The following PFDN1 variants were observed in gnomAD, a reference collection of about 807,000 sequenced individuals.
PFDN1 encodes the protein prefoldin subunit 1.
In PFDN1, 6 loss-of-function variants were observed where a neutral mutation model predicts 17.3. The ratio of observed to expected loss-of-function variants is 0.35; its 90% CI spans 0.19 to 0.69. The LOEUF (loss-of-function observed/expected upper bound fraction) is 0.69. Among genes scored for constraint, PFDN1 ranks in the 30% least tolerant of loss-of-function variants. The probability of loss-of-function intolerance (pLI) is 0.65; values close to 1 mark genes in which losing one functional copy is unlikely to be tolerated. For missense variants in PFDN1, 113 were observed against 146.2 expected (o/e 0.77, Z 1.17); for synonymous variants, 58 against 50.1 (o/e 1.16, Z -0.67).
intron 3 of PFDN1, among the ~76,000 whole-genome samples, chr5:140,263,574 G>A (rs907610880): frequency 1.3e-5 from 2 of 151,992 alleles, no homozygotes; most frequent in Non-Finnish European, 2.9e-5. Flanking sequence ...TAAAAACACC[G>A]TATCAGTCTA....
chr5:140,262,012 G>T lies in PFDN1; in HGVS notation c.286-15955C>A, dbSNP rs142938079. ...ACCATAGAACTGGGGTAAACAGAGA[G>T]AATTTAATATGCTAATAGCTCTGAT... On this transcript the variant is annotated intron_variant, in intron 3 of 3. Coordinates refer to ENST00000261813, the MANE Select transcript of PFDN1 (RefSeq NM_002622.5). Among the ~76,000 whole-genome samples, 4 of 152,194 alleles carry T rather than the reference G, an allele frequency of 2.6e-5. No homozygotes were observed. The East Asian group carries it at 5.8e-4, about 22-fold the overall frequency.
intron 3 of PFDN1, among the ~76,000 whole-genome samples, chr5:140,272,984 C>T (rs763939707): frequency 5.3e-5 from 8 of 152,068 alleles, no homozygotes; most frequent in Non-Finnish European, 1.0e-4. Flanking sequence ...GTTTTAAAAA[C>T]ATTCTATCAT....
intron 3 of PFDN1, among the ~76,000 whole-genome samples, chr5:140,255,035 A>C (rs1228551182): frequency 6.6e-6 from 1 of 152,190 alleles, no homozygotes; most frequent in African/African-American, 2.4e-5. Context: ...GAATGGTCTC[A>C]CTTTAAATTC....
intron 3 of PFDN1, among the ~76,000 whole-genome samples, chr5:140,251,991 TTTTTTTTC>T (rs1378572450): frequency 6.9e-6 from 1 of 144,934 alleles, no homozygotes; most frequent in Non-Finnish European, 1.5e-5. Flanking sequence ...TAAATTAGTT[TTTTTTTTC>T]TTTCTTTCTT....
At chr5:140,252,280 T>C (rs1358686590) in intron 3 of PFDN1, among the ~76,000 whole-genome samples, 5 of 152,210 alleles carry the variant, frequency 3.3e-5, no homozygotes, top group South Asian at 2.1e-4. Flanking sequence ...TGAATAAAAA[T>C]AGCCCTGCTG....
intron 3 of PFDN1, among the ~76,000 whole-genome samples, chr5:140,280,129 T>A (rs1473404117): frequency 6.6e-6 from 1 of 151,980 alleles, no homozygotes; most frequent in Non-Finnish European, 1.5e-5. Context: ...TATCCTTACA[T>A]ATCATCTTCA....
intron 3 of PFDN1, among the ~76,000 whole-genome samples, chr5:140,279,944 G>A (rs1190853973): frequency 4.0e-5 from 5 of 123,660 alleles, no homozygotes; most frequent in East Asian, 2.6e-4. Context: ...GCAGTGAGCC[G>A]AGATCACACC....
rs994425181 is a variant in PFDN1 at position 140,245,916 on chromosome 5, T to C, written c.*58A>G. ...GGAGAAGCTGTTTCCCTGCAGACAC[T>C]CCTCTGCCCCCACCAGGAATGGGAG... On this transcript the variant is annotated 3_prime_UTR_variant, in exon 4 of 4. Transcript: ENST00000261813. 3 of 960,732 alleles carry C rather than the reference T, an allele frequency of 3.1e-6. No homozygotes were observed. In the East Asian group the frequency reaches 7.8e-5, roughly 25 times the overall value. The allele number at this position is 960,732 out of a possible 1,614,324, so 59.5% of individuals were successfully genotyped here. A position where few individuals can be genotyped will look rare whatever the true frequency, so the allele number is the denominator to read the frequency against.
rs924651439 is a variant in PFDN1 at position 140,269,792 on chromosome 5, G to C, written c.285+11657C>G. On this transcript the variant is annotated intron_variant, in intron 3 of 3. Coordinates refer to ENST00000261813, the MANE Select transcript of PFDN1 (RefSeq NM_002622.5). ...TAGAAGTGACTGGAGTGACCCTAGA[G>C]ATCTTCTAATCCAATATTCTCATTT... Among the ~76,000 whole-genome samples the C allele has an allele frequency of 9.2e-5, 14 of 152,182 alleles. No individual in the cohort carries two copies. The East Asian group carries it at 2.7e-3, about 29-fold the overall frequency.
At chr5:140,256,658 C>CAAAAAAAAAAAAAAAGAAAA (rs1764990394) in intron 3 of PFDN1, among the ~76,000 whole-genome samples, 1 of 39,892 alleles carries the variant, frequency 2.5e-5, no homozygotes, top group Non-Finnish European at 5.0e-5. Flanking sequence ...CAAAAAATGA[C>CAAAAAAAAAAAAAAAGAAAA]AAAAAAAAAA....
chr5:140,269,730 A>G (rs542457961), intron 3 of PFDN1, among the ~76,000 whole-genome samples: 2 of 152,230 alleles, frequency 1.3e-5, no homozygotes, highest in Admixed American at 1.3e-4. Context: ...TAAAATGGAA[A>G]CTCAGAAAAA....
chr5:140,266,358 G>T (rs912340020), intron 3 of PFDN1, among the ~76,000 whole-genome samples: 1 of 152,162 alleles, frequency 6.6e-6, no homozygotes, highest in Non-Finnish European at 1.5e-5. Flanking sequence ...ACTGGTTTGT[G>T]ACTTGAGAAA....
intron 2 of PFDN1, among the ~76,000 whole-genome samples, chr5:140,297,144 T>C (rs1223387223): frequency 6.6e-6 from 1 of 152,174 alleles, no homozygotes; most frequent in Non-Finnish European, 1.5e-5. Flanking sequence ...AATGGGAAAA[T>C]CTACTGCATG....
chr5:140,273,264 G>C (rs1335316518), intron 3 of PFDN1, among the ~76,000 whole-genome samples: 1 of 149,332 alleles, frequency 6.7e-6, no homozygotes, highest in African/African-American at 2.4e-5. Context: ...AAAAAAAAGA[G>C]AAAAACAGAG....
intron 3 of PFDN1, among the ~76,000 whole-genome samples, chr5:140,276,223 T>G (rs1346230237): frequency 6.6e-6 from 1 of 152,124 alleles, no homozygotes; most frequent in Non-Finnish European, 1.5e-5. Context: ...GAAACCATAT[T>G]TATGATTTAC....
chr5:140,261,161 C>CAAAAA (rs773165928), intron 3 of PFDN1, among the ~76,000 whole-genome samples: 39 of 47,260 alleles, frequency 8.3e-4, no homozygotes, highest in Non-Finnish European at 1.2e-3. Flanking sequence ...GACTCCATCT[C>CAAAAA]AAAAAAAAAA....
At chr5:140,296,370 A>G (rs550831387) in intron 2 of PFDN1, among the ~76,000 whole-genome samples, 1 of 152,300 alleles carries the variant, frequency 6.6e-6, no homozygotes, top group South Asian at 2.1e-4. Flanking sequence ...AAGATAATAT[A>G]TATACATGGT....
chr5:140,249,482 G>A (rs1402435642), intron 3 of PFDN1, among the ~76,000 whole-genome samples: 1 of 152,186 alleles, frequency 6.6e-6, no homozygotes, highest in African/African-American at 2.4e-5. Flanking sequence ...AATTCAGTAT[G>A]GTCAGAGGCG....
intron 2 of PFDN1, among the ~76,000 whole-genome samples, chr5:140,283,042 G>A (rs568189744): frequency 4.5e-4 from 69 of 152,194 alleles, no homozygotes; most frequent in Non-Finnish European, 9.0e-4. Flanking sequence ...CTTATCAAGA[G>A]AGTCCGTTAT....
Sources: allele counts gnomAD v4.1 joint callset (sites outside exome capture counted in the v4.1 genomes callset), GRCh38; gene constraint gnomAD v4.1.1; transcripts MANE v1.5; gene names NCBI Gene and HGNC (gene_info 2026-07-23, HGNC 2026-07-21).